Variants in CTBP2 observed in about 807,000 individuals in gnomAD.
The protein encoded by CTBP2 is C-terminal-binding protein 2.
Under a neutral mutation model 80.3 loss-of-function variants are expected in CTBP2, and 30 were observed. That is an observed-to-expected ratio of 0.37 (90% CI 0.28 to 0.51). The LOEUF is 0.51. CTBP2 is among the 20% of genes least tolerant of loss of function. The pLI, the probability that CTBP2 is intolerant of heterozygous loss-of-function variation, is 0.93. For synonymous variants in CTBP2, 594 were observed against 587.4 expected, an observed-to-expected ratio of 1.01 and a Z score of -0.16; for missense variants, 1,212 against 1,375.3, an observed-to-expected ratio of 0.88 and a Z score of 1.88.
At position 125,045,227 on chromosome 10, in the gene CTBP2, C is replaced by G. The variant is rs957611382; in HGVS notation, c.-101-6072G>C. 5.8e-4 allele frequency among the ~76,000 whole-genome samples: 88 copies of G among 152,236 alleles called. 1 individual carries two copies. Among genetic ancestry groups the G allele is most frequent in the Non-Finnish European group, 9.1e-4 (62 of 68,014 alleles). The stretch of plus-strand genomic sequence containing the variant: ...GTCTACAGCCAGCAAGCAGGCCCTC[C>G]CAGATCCTGGATCTGCCAGATCATT... On this transcript the variant is annotated intron_variant, in intron 2 of 10. Coordinates refer to the CTBP2 transcript ENST00000337195.
Position 125,115,821 on chromosome 10 carries a change from T to C in CTBP2, c.-205-4728A>G, listed in dbSNP as rs1331274814. 2.7e-5 allele frequency among the ~76,000 whole-genome samples: 4 copies of C among 149,672 alleles called. No homozygotes were observed. The East Asian group carries it at 7.7e-4, about 29-fold the overall frequency. ...TCACTGCCATCCTGTGGTATGGCTGTGCTCAGAAAAGAGGGATTGCGTAAA... is the reference window on the plus strand; with the variant it reads ...TCACTGCCATCCTGTGGTATGGCTGCGCTCAGAAAAGAGGGATTGCGTAAA... On this transcript the variant is annotated intron_variant, in intron 1 of 10. Coordinates refer to the CTBP2 transcript ENST00000337195.
intron 2 of CTBP2, among the ~76,000 whole-genome samples, chr10:125,070,078 CG>C (rs1845233422): frequency 6.6e-6 from 1 of 151,654 alleles, no homozygotes; most frequent in African/African-American, 2.4e-5. Flanking sequence ...CGGCTGGGCA[CG>C]GGTGGCTCAG....
At position 125,056,748 on chromosome 10, in the gene CTBP2, C is replaced by T. The variant is rs542519130; in HGVS notation, c.-101-17593G>A. ...GAGGGATGTTGGCTACAGAAACTTC[C>T]GTGGCCTTAGGACCTCCAACTCCAT... On this transcript the variant is annotated intron_variant, in intron 2 of 10. Transcript: ENST00000337195. 2.8e-4 allele frequency among the ~76,000 whole-genome samples: 42 copies of T among 152,368 alleles called. No homozygotes were observed. The South Asian group carries it at 8.7e-3, about 32-fold the overall frequency.
chr10:125,140,700 A>C (rs563830143), intron 1 of CTBP2, among the ~76,000 whole-genome samples: 2 of 152,024 alleles, frequency 1.3e-5, no homozygotes, highest in African/African-American at 4.8e-5. Context: ...GTGGGTGCCT[A>C]TCATCTCAGC....
intron 1 of CTBP2, among the ~76,000 whole-genome samples, chr10:125,018,522 C>CA (rs1956722298): frequency 6.6e-6 from 1 of 151,420 alleles, no homozygotes; most frequent in Non-Finnish European, 1.5e-5. Flanking sequence ...AACCAAAAAC[C>CA]AAAAAAAGCA....
chr10:125,132,158 C>T (rs1298622926), intron 1 of CTBP2, among the ~76,000 whole-genome samples: 1 of 152,096 alleles, frequency 6.6e-6, no homozygotes, highest in Admixed American at 6.5e-5. Flanking sequence ...TTTCGTTGAC[C>T]AATTCAAAAG....
At chr10:125,159,573 T>G (rs1354387217) in intron 1 of CTBP2, among the ~76,000 whole-genome samples, 4 of 149,066 alleles carry the variant, frequency 2.7e-5, no homozygotes, top group Non-Finnish European at 6.0e-5. Context: ...AACAAAAGGG[T>G]TCCACTTCGC....
intron 3 of CTBP2, among the ~76,000 whole-genome samples, chr10:125,038,071 C>T (rs1297501285): frequency 6.6e-6 from 1 of 152,216 alleles, no homozygotes; most frequent in African/African-American, 2.4e-5. Flanking sequence ...TGTGTTCTTG[C>T]AGCGCAGAGT....
intron 1 of CTBP2, among the ~76,000 whole-genome samples, chr10:125,117,911 C>A (rs900628759): frequency 9.2e-5 from 14 of 152,180 alleles, no homozygotes; most frequent in Admixed American, 9.2e-4. Flanking sequence ...GCCCAAGAGT[C>A]TCAACTCTGA....
intron 3 of CTBP2, among the ~76,000 whole-genome samples, 162 bp downstream of exon 3, chr10:125,038,835 C>T (rs895042324): frequency 2.0e-5 from 3 of 152,226 alleles, no homozygotes; most frequent in Non-Finnish European, 4.4e-5. Flanking sequence ...GCCAGGCCCA[C>T]GGCCAAGGAC....
At chr10:125,033,824 G>C (rs1958531645) in intron 3 of CTBP2, among the ~76,000 whole-genome samples, 1 of 152,146 alleles carries the variant, frequency 6.6e-6, no homozygotes, top group Non-Finnish European at 1.5e-5. Context: ...GCTGGGCCCA[G>C]GGGCTCCGGG....
At chr10:125,147,527 C>T (rs955971330) in intron 1 of CTBP2, among the ~76,000 whole-genome samples, 2 of 152,160 alleles carry the variant, frequency 1.3e-5, no homozygotes, top group Non-Finnish European at 2.9e-5. Context: ...AAGAAGACGG[C>T]TGCTCCCAAA....
intron 1 of CTBP2, among the ~76,000 whole-genome samples, chr10:125,152,208 G>A (rs1040611953): frequency 6.6e-6 from 1 of 152,110 alleles, no homozygotes; most frequent in Admixed American, 6.5e-5. Flanking sequence ...GGCTTCACCT[G>A]GGGCTCGGGA....
At chr10:125,046,452 C>A (rs193296698) in intron 2 of CTBP2, among the ~76,000 whole-genome samples, 17 of 149,938 alleles carry the variant, frequency 1.1e-4, no homozygotes, top group Admixed American at 1.0e-3. Flanking sequence ...GCATGAGAAT[C>A]GCTTGAACCC....
At chr10:125,000,081 C>G (rs1322782083) in intron 3 of CTBP2, 1 of 152,368 alleles carries the variant, frequency 6.6e-6, no homozygotes, top group African/African-American at 2.4e-5. Context: ...GGCAGGACAT[C>G]TGGTCAGTCT....
chr10:125,013,290 T>A (rs1355773593), intron 1 of CTBP2, among the ~76,000 whole-genome samples: 1 of 152,082 alleles, frequency 6.6e-6, no homozygotes, highest in Non-Finnish European at 1.5e-5. Context: ...ACATATCCCA[T>A]GTGGGCAGGG....
At chr10:125,049,091 A>ACACACACACACC (rs1962059189) in intron 2 of CTBP2, among the ~76,000 whole-genome samples, 1 of 146,900 alleles carries the variant, frequency 6.8e-6, no homozygotes, top group Non-Finnish European at 1.5e-5. Context: ...ACACACACAC[A>ACACACACACACC]CGTCCACCTG....
chr10:125,004,876 C>A (rs966791375), intron 1 of CTBP2, among the ~76,000 whole-genome samples: 1 of 152,180 alleles, frequency 6.6e-6, no homozygotes, highest in African/African-American at 2.4e-5. Context: ...AAAGCAGGAG[C>A]CTTCCACAAA....
chr10:125,101,791 T>C (rs915467969), intron 2 of CTBP2, among the ~76,000 whole-genome samples: 1 of 152,210 alleles, frequency 6.6e-6, no homozygotes, highest in Non-Finnish European at 1.5e-5. Context: ...GCAGGGCATC[T>C]CCCACATGCT....
Sources: allele counts gnomAD v4.1 joint callset (sites outside exome capture counted in the v4.1 genomes callset), GRCh38; gene constraint gnomAD v4.1.1; transcripts MANE v1.5; gene names NCBI Gene and HGNC (gene_info 2026-07-23, HGNC 2026-07-21).